CXCL5: variants seen among roughly 807,000 people sequenced by gnomAD.
The protein encoded by CXCL5 is C-X-C motif chemokine ligand 5.
In CXCL5, 13 loss-of-function variants were observed where a neutral mutation model predicts 12.1. That is an observed-to-expected ratio of 1.08 (90% CI 0.70 to 1.71). CXCL5 has a LOEUF of 1.71. Among genes scored for constraint, CXCL5 ranks in the 40% most tolerant of loss-of-function variants. The pLI is 0.00. For synonymous variants in CXCL5, 67 were observed against 59.0 expected, an observed-to-expected ratio of 1.14 and a Z score of -0.62; for missense variants, 159 against 142.4, an observed-to-expected ratio of 1.12 and a Z score of -0.59.
At position 73,995,926 on chromosome 4, in the gene CXCL5, A is replaced by G. The variant is rs550748798; in HGVS notation, c.*1711T>C. The G allele has an allele frequency of 6.6e-6, 1 of 151,650 alleles. No individual in the cohort carries two copies. Among genetic ancestry groups the G allele is most frequent in the Non-Finnish European group, 1.5e-5 (1 of 67,834 alleles). 9.4% of individuals were successfully genotyped at this position (151,650 alleles called of 1,614,324 possible). On this transcript the variant is annotated 3_prime_UTR_variant, in exon 4 of 4. Transcript: ENST00000296027. ...CTTGCAGTAGCTTTGTTAATTGCAC[A>G]AAATTATGTTTTGTTTTTGCCATTT...
In CXCL5 at chr4:73,997,450, C is replaced by G. The variant is rs557053868; in HGVS notation, c.*187G>C. On this transcript the variant is annotated 3_prime_UTR_variant, in exon 4 of 4. Transcript: ENST00000296027. ...TCATTAGCTGAGCTGAAAGCTTAAG[C>G]GGCAAACATAGGTTTTCCTCACACT... is the stretch of plus-strand genomic sequence containing the variant. The G allele has an allele frequency of 1.7e-6, 1 of 576,064 alleles. No individual in the cohort carries two copies. Among genetic ancestry groups the G allele is most frequent in the Admixed American group, 3.5e-5 (1 of 28,822 alleles). The allele number at this position is 576,064 out of a possible 1,614,324, so 35.7% of individuals were successfully genotyped here.
intron 3 of CXCL5, 21 bp downstream of exon 3, chr4:73,997,987 CCACA>C (rs769104652): frequency 1.3e-6 from 2 of 1,591,976 alleles, no homozygotes; most frequent in Non-Finnish European, 1.7e-6. Flanking sequence ...GATTTAGAAA[CCACA>C]AAGATCAAAG....
chr4:73,996,485 T>G lies in CXCL5; in HGVS notation c.*1152A>C, dbSNP rs1447262939. The G allele has an allele frequency of 6.6e-6, 1 of 152,624 alleles. No individual in the cohort carries two copies. Among genetic ancestry groups the G allele is most frequent in the African/African-American group, 2.4e-5 (1 of 41,434 alleles). 9.5% of individuals were successfully genotyped at this position (152,624 alleles called of 1,614,324 possible). The stretch of plus-strand genomic sequence containing the variant: ...TGGCCACCTTATATATAATTATATA[T>G]TCTACCATAAATGCTGGCCTTCTTC... On this transcript the variant is annotated 3_prime_UTR_variant, in exon 4 of 4. Transcript: ENST00000296027.
rs1389600402 is a variant in CXCL5 at position 73,997,437 on chromosome 4, C to G, written c.*200G>C. 1 of 566,456 alleles carries G rather than the reference C, an allele frequency of 1.8e-6. No homozygotes were observed. Among genetic ancestry groups the G allele is most frequent in the African/African-American group, 1.9e-5 (1 of 51,770 alleles). The allele number at this position is 566,456 out of a possible 1,614,324, so 35.1% of individuals were successfully genotyped here. A position where few individuals can be genotyped will look rare whatever the true frequency, so the allele number is the denominator to read the frequency against. Reference sequence around the variant, plus strand: ...TATGCTAAACACTTCATTAGCTGAGCTGAAAGCTTAAGCGGCAAACATAGG... The same window carrying G: ...TATGCTAAACACTTCATTAGCTGAGGTGAAAGCTTAAGCGGCAAACATAGG... On this transcript the variant is annotated 3_prime_UTR_variant, in exon 4 of 4. Transcript: ENST00000296027.
chr4:73,998,283 C>G lies in CXCL5; in HGVS notation c.165G>C (p.Thr55=), dbSNP rs543588409. Residue 55 remains threonine (T), a synonymous_variant, in exon 2 of 4, where the codon ACG becomes ACC. Coordinates refer to ENST00000296027, the MANE Select transcript of CXCL5 (RefSeq NM_002994.5). ...TGATCATTTTGGGATGAACTCCTTG[C>G]GTGGTCTGTAAACAAACGCAACGCA... is the stretch of plus-strand genomic sequence containing the variant. The part of the protein sequence containing the change: ...RELRCVCLQT[T]QGVHPKMISN... 3.3e-5 allele frequency: 54 copies of G among 1,614,174 alleles called. No individual in the cohort carries two copies. The South Asian group carries it at 5.7e-4, about 17-fold the overall frequency.
At position 73,998,268 on chromosome 4, in the gene CXCL5, G is replaced by C; in HGVS notation, c.180C>G (p.Pro60=). 1 of 1,614,158 alleles carries C rather than the reference G, an allele frequency of 6.2e-7. No individual in the cohort carries two copies. Among genetic ancestry groups the C allele is most frequent in the Non-Finnish European group, 8.5e-7 (1 of 1,180,034 alleles). ...ACACTTGCAGATTACTGATCATTTT[G>C]GGATGAACTCCTTGCGTGGTCTGTA... ...VCLQTTQGVH[P]KMISNLQVFA... The change falls in exon 2 of 4, where the codon CCC becomes CCG. Residue 60 remains proline, a synonymous_variant. Transcript: ENST00000296027.
rs2109819101 is a variant in CXCL5, at chr4:73,997,014, A to G, written c.*623T>C. ...AGATATTAGCCCTCATAGAACTTAAACTTTTAGAAATTCTGAATAAGGAAA... is the reference window on the plus strand; with the variant it reads ...AGATATTAGCCCTCATAGAACTTAAGCTTTTAGAAATTCTGAATAAGGAAA... On this transcript the variant is annotated 3_prime_UTR_variant, in exon 4 of 4. Coordinates refer to ENST00000296027, the MANE Select transcript of CXCL5 (RefSeq NM_002994.5). The G allele has an allele frequency of 6.6e-6, 1 of 152,336 alleles. No homozygotes were observed. Among genetic ancestry groups the G allele is most frequent in the South Asian group, 2.1e-4 (1 of 4,830 alleles). The allele number at this position is 152,336 out of a possible 1,614,324, so 9.4% of individuals were successfully genotyped here.
chr4:73,998,207 C>T lies in CXCL5; in HGVS notation c.241G>A (p.Val81Ile), dbSNP rs1719239989. 6.2e-7 allele frequency: 1 copy of T among 1,614,218 alleles called. No homozygotes were observed. Among genetic ancestry groups the T allele is most frequent in the East Asian group, 2.2e-5 (1 of 44,882 alleles). Residue 81 changes from valine (V) to isoleucine (I), a missense_variant and splice_region_variant, in exon 2 of 4, where the codon GTA (valine) becomes ATA (isoleucine). Coordinates refer to ENST00000296027, the MANE Select transcript of CXCL5 (RefSeq NM_002994.5). ...IGPQCSKVEVVASLKNGKEIC... is the reference protein window; with the variant it reads ...IGPQCSKVEVIASLKNGKEIC... ...CGGACACAGCAGCACAGAACTTACA[C>T]CACTTCCACCTTGGAGCACTGTGGG...
At chr4:73,998,398 G>A in intron 1 of CXCL5, 60 bp from the exon 2 acceptor site, 1 of 1,608,534 alleles carries the variant, frequency 6.2e-7, no homozygotes, top group South Asian at 1.1e-5. Context: ...TCCCTGGAAC[G>A]CAGCGACCCC....
At position 73,998,676 on chromosome 4, in the gene CXCL5, G is replaced by A. The variant is rs200150149; in HGVS notation, c.-95C>T. On this transcript the variant is annotated 5_prime_UTR_variant, in exon 1 of 4. Transcript: ENST00000296027. ...CGAAGATTGGAGGATCCGGAGCACT[G>A]TGGCTTCCTCGTGCCTTCTGCACTC... is the stretch of plus-strand genomic sequence containing the variant. 2.2e-5 allele frequency: 24 copies of A among 1,095,014 alleles called. No individual in the cohort carries two copies. The highest frequency in any genetic ancestry group is 3.1e-5 in the Non-Finnish European group (23 of 738,972). The allele number at this position is 1,095,014 out of a possible 1,614,324, so 67.8% of individuals were successfully genotyped here. A position where few individuals can be genotyped will look rare whatever the true frequency, so the allele number is the denominator to read the frequency against.
intron 1 of CXCL5, 58 bp from the exon 2 acceptor site, chr4:73,998,396 A>G: frequency 6.2e-7 from 1 of 1,609,350 alleles, no homozygotes; most frequent in Non-Finnish European, 8.5e-7. Context: ...GTTCCCTGGA[A>G]CGCAGCGACC....
In CXCL5 at chr4:73,997,414, T is replaced by C; in HGVS notation, c.*223A>G. ...ATAACAGCAAATAGCAGAGGTACTA[T>C]GCTAAACACTTCATTAGCTGAGCTG... is the stretch of plus-strand genomic sequence containing the variant. On this transcript the variant is annotated 3_prime_UTR_variant, in exon 4 of 4. Transcript: ENST00000296027. The C allele has an allele frequency of 1.8e-6, 1 of 544,804 alleles. No individual in the cohort carries two copies. Among genetic ancestry groups the C allele is most frequent in the Non-Finnish European group, 3.2e-6 (1 of 312,650 alleles). 33.7% of individuals were successfully genotyped at this position (544,804 alleles called of 1,614,324 possible).
In CXCL5 at chr4:73,996,948, A is replaced by G. The variant is rs1347068677; in HGVS notation, c.*689T>C. 1 of 152,232 alleles carries G rather than the reference A, an allele frequency of 6.6e-6. No homozygotes were observed. Among genetic ancestry groups the G allele is most frequent in the Non-Finnish European group, 1.5e-5 (1 of 68,042 alleles). 9.4% of individuals were successfully genotyped at this position (152,232 alleles called of 1,614,324 possible). A position where few individuals can be genotyped will look rare whatever the true frequency, so the allele number is the denominator to read the frequency against. On this transcript the variant is annotated 3_prime_UTR_variant, in exon 4 of 4. Transcript: ENST00000296027. ...TAAAAGTAAATGATGGCAGTTTGCC[A>G]TACTAAAAAGATAAAGAATGTCTAA...
At position 73,995,984 on chromosome 4, in the gene CXCL5, A is replaced by C. The variant is rs1578182331; in HGVS notation, c.*1653T>G. 1 of 152,388 alleles carries C rather than the reference A, an allele frequency of 6.6e-6. No individual in the cohort carries two copies. Among genetic ancestry groups the C allele is most frequent in the East Asian group, 1.9e-4 (1 of 5,188 alleles). The allele number at this position is 152,388 out of a possible 1,614,324, so 9.4% of individuals were successfully genotyped here. On this transcript the variant is annotated 3_prime_UTR_variant, in exon 4 of 4. Transcript: ENST00000296027. ...ATCACAGAATCCTATTCTGAAAGAC[A>C]AATGTTCATTAAAAACAAAGCAAAA...
Position 73,998,223 on chromosome 4 carries a change from G to T in CXCL5, c.225C>A (p.Cys75Ter), listed in dbSNP as rs750647172. ...NLQVFAIGPQCSKVEVVASLK... is the reference protein window; with the variant it reads ...NLQVFAIGPQ ...GAACTTACACCACTTCCACCTTGGA[G>T]CACTGTGGGCCTATGGCGAACACTT... The change falls in exon 2 of 4, where the codon TGC (cysteine) becomes TGA (stop). Residue 75 changes from cysteine to a stop codon, truncating the protein, a stop_gained. Coordinates refer to ENST00000296027, the MANE Select transcript of CXCL5 (RefSeq NM_002994.5). LOFTEE classifies it high-confidence loss of function. 2 of 1,614,132 alleles carry T rather than the reference G, an allele frequency of 1.2e-6. No homozygotes were observed. Among genetic ancestry groups the T allele is most frequent in the African/African-American group, 1.3e-5 (1 of 74,942 alleles).
chr4:73,997,611 T>C lies in CXCL5; in HGVS notation c.*26A>G. The C allele has an allele frequency of 6.2e-7, 1 of 1,601,602 alleles. No individual in the cohort carries two copies. Among genetic ancestry groups the C allele is most frequent in the Non-Finnish European group, 8.5e-7 (1 of 1,172,098 alleles). Reference sequence around the variant, plus strand: ...CTTCTCTGCTGAAGACTGGGAAACTTTTCCATGCGTGCTCATTTCTCTTAA... The same window carrying C: ...CTTCTCTGCTGAAGACTGGGAAACTCTTCCATGCGTGCTCATTTCTCTTAA... On this transcript the variant is annotated 3_prime_UTR_variant, in exon 4 of 4. Transcript: ENST00000296027.
Position 73,995,696 on chromosome 4 carries a change from C to A in CXCL5, c.*1941G>T, listed in dbSNP as rs912839997. 6.6e-6 allele frequency: 1 copy of A among 151,552 alleles called. No individual in the cohort carries two copies. Among genetic ancestry groups the A allele is most frequent in the Admixed American group, 6.6e-5 (1 of 15,210 alleles). The allele number at this position is 151,552 out of a possible 1,614,324, so 9.4% of individuals were successfully genotyped here. The stretch of plus-strand genomic sequence containing the variant: ...CAAAGGACAAAATAAAGACTATGAA[C>A]CAATGAGACACATAGTAAAAAAGTA... On this transcript the variant is annotated 3_prime_UTR_variant, in exon 4 of 4. Coordinates refer to ENST00000296027, the MANE Select transcript of CXCL5 (RefSeq NM_002994.5).
Position 73,998,537 on chromosome 4 carries a change from C to T in CXCL5, c.45G>A (p.Ser15=), listed in dbSNP as rs559608850. 3 of 1,596,102 alleles carry T rather than the reference C, an allele frequency of 1.9e-6. No individual in the cohort carries two copies. The East Asian group carries it at 6.8e-5, about 36-fold the overall frequency. The change falls in exon 1 of 4, where the codon TCG becomes TCA. Residue 15 remains serine, a synonymous_variant. Coordinates refer to ENST00000296027, the MANE Select transcript of CXCL5 (RefSeq NM_002994.5). ...GCACCAACAGCGCGCACAAGGAGCT[C>T]GAAGGACCGGGGACACGGGCCGCGC... ...SSRAARVPGP[S]SSLCALLVLL...
In CXCL5 at chr4:73,998,613, G is replaced by C. The variant is rs754492573; in HGVS notation, c.-32C>G. 1 of 1,548,952 alleles carries C rather than the reference G, an allele frequency of 6.5e-7. No individual in the cohort carries two copies. Among genetic ancestry groups the C allele is most frequent in the South Asian group, 1.2e-5 (1 of 84,520 alleles). On this transcript the variant is annotated 5_prime_UTR_variant, in exon 1 of 4. Transcript: ENST00000296027. ...CAAGAGAGCGCTGCGAGCGGTCGCG[G>C]GTTCCTGAACTGGGTGGAGGAGCGG...
Sources: gnomAD v4.1 joint callset for allele counts on GRCh38, gnomAD v4.1.1 for gene constraint, MANE v1.5 for transcripts, NCBI Gene and HGNC (gene_info 2026-07-23, HGNC 2026-07-21) for gene names.